Variants in BCL7C observed in about 807,000 individuals in gnomAD.
BCL7C encodes BAF chromatin remodeling complex subunit BCL7C.
BCL7C carries 8 observed loss-of-function variants against 26.2 expected under a neutral mutation model. That is an observed-to-expected ratio of 0.30 (90% CI 0.18 to 0.55). The LOEUF (loss-of-function observed/expected upper bound fraction) is 0.55, where lower values mean the gene tolerates loss of function less well. BCL7C is among the 20% of genes least tolerant of loss of function. BCL7C has a pLI of 0.93. For synonymous variants in BCL7C, 90 were observed against 116.5 expected (o/e 0.77, Z 1.47); for missense variants, 262 against 298.5 (o/e 0.88, Z 0.90).
chr16:30,869,427 ACTC>A, intron 5 of BCL7C, among the ~76,000 whole-genome samples: 1 of 149,756 alleles, frequency 6.7e-6, no homozygotes, highest in East Asian at 2.0e-4. Context: ...CTGGCCTCGA[ACTC>A]CTAAGCTCTA....
chr16:30,849,852 C>CAAA (rs2151363107), intron 5 of BCL7C, among the ~76,000 whole-genome samples: 2 of 151,240 alleles, frequency 1.3e-5, no homozygotes, highest in African/African-American at 4.9e-5. Flanking sequence ...CCATGCCTAG[C>CAAA]TAACTTTTGT....
chr16:30,878,321 G>A (rs1179626601), intron 5 of BCL7C, among the ~76,000 whole-genome samples: 1 of 151,900 alleles, frequency 6.6e-6, no homozygotes. Context: ...ACAAGGTCAG[G>A]AGATTGAGAC....
downstream of BCL7C, among the ~76,000 whole-genome samples, chr16:30,886,463 T>G (rs2055134349): frequency 6.6e-6 from 1 of 152,140 alleles, no homozygotes; most frequent in Admixed American, 6.6e-5. Flanking sequence ...CCAGCTCACA[T>G]GCCACCTCCT....
chr16:30,863,367 T>C (rs1311234101), intron 5 of BCL7C, among the ~76,000 whole-genome samples: 1 of 152,198 alleles, frequency 6.6e-6, no homozygotes, highest in Non-Finnish European at 1.5e-5. Flanking sequence ...AAATTTATAC[T>C]GACTCTAAAT....
chr16:30,846,507 A>G lies in BCL7C; in HGVS notation c.529-11359T>C, dbSNP rs1490949714. Among the ~76,000 whole-genome samples, 3 of 152,200 alleles carry G rather than the reference A, an allele frequency of 2.0e-5. No individual in the cohort carries two copies. The East Asian group carries it at 5.8e-4, about 29-fold the overall frequency. ...CTCCCAAAGTTCTGGGATTACAGGC[A>G]TGAGCCACTGCGCCCGGCTTAAAAT... On this transcript the variant is annotated intron_variant, in intron 5 of 5. Transcript: ENST00000380317.
chr16:30,843,997 G>A (rs143736823), intron 5 of BCL7C, among the ~76,000 whole-genome samples: 210 of 132,032 alleles, frequency 1.6e-3, no homozygotes, highest in African/African-American at 5.3e-3. Context: ...AGCTGAGATC[G>A]CACCATTGCA....
At chr16:30,882,323 A>T (rs991805245) in intron 5 of BCL7C, among the ~76,000 whole-genome samples, 2 of 152,154 alleles carry the variant, frequency 1.3e-5, no homozygotes, top group Non-Finnish European at 2.9e-5. Flanking sequence ...CACAATAAGT[A>T]CCTATTGCTA....
rs557984825 is a variant in BCL7C at position 30,867,189 on chromosome 16, C to T, written c.528+21671G>A. Among the ~76,000 whole-genome samples the T allele has an allele frequency of 2.0e-5, 3 of 152,036 alleles. No individual in the cohort carries two copies. In the East Asian group the frequency reaches 5.8e-4, roughly 29 times the overall value. On this transcript the variant is annotated intron_variant, in intron 5 of 5. Coordinates refer to the BCL7C transcript ENST00000380317. ...ATAGATGGACAAAAAAATTCCAGGC[C>T]CAAAAAAACATGATTGGGGGAAGGT...
intron 5 of BCL7C, among the ~76,000 whole-genome samples, chr16:30,862,698 G>C (rs1173054846): frequency 6.6e-6 from 1 of 151,918 alleles, no homozygotes; most frequent in Non-Finnish European, 1.5e-5. Flanking sequence ...ATCGTGTCCG[G>C]ATAATCTCCC....
In BCL7C at chr16:30,834,353, T is replaced by C. The variant is rs906962888; in HGVS notation, c.*595A>G. On this transcript the variant is annotated 3_prime_UTR_variant, in exon 6 of 6. Coordinates refer to the BCL7C transcript ENST00000380317. This position sits in a 1 kb window ranked among gnomAD's most constrained non-coding sequence, Gnocchi z 4.3. The stretch of plus-strand genomic sequence containing the variant: ...GCCGTATGTCCTCGGGCGCTGGAGG[T>C]CTCCCAGCGCTGGCATACATAAGCC... The C allele has an allele frequency of 2.0e-5, 3 of 152,152 alleles. No homozygotes were observed. The East Asian group carries it at 5.8e-4, about 29-fold the overall frequency. 9.4% of individuals were successfully genotyped at this position (152,152 alleles called of 1,614,324 possible). A position where few individuals can be genotyped will look rare whatever the true frequency, so the allele number is the denominator to read the frequency against.
At chr16:30,842,479 A>G (rs2054608398) in intron 5 of BCL7C, among the ~76,000 whole-genome samples, 2 of 152,254 alleles carry the variant, frequency 1.3e-5, no homozygotes, top group African/African-American at 4.8e-5. Context: ...AATTGTAAAT[A>G]AAATAAGGAA....
intron 5 of BCL7C, among the ~76,000 whole-genome samples, chr16:30,843,883 T>C (rs2054617447): frequency 6.6e-6 from 1 of 151,048 alleles, no homozygotes; most frequent in Non-Finnish European, 1.5e-5. Context: ...CTACTAAAAA[T>C]ACAAAGAATA....
intron 5 of BCL7C, among the ~76,000 whole-genome samples, chr16:30,838,947 G>A (rs1036414578): frequency 3.3e-5 from 5 of 152,170 alleles, no homozygotes; most frequent in Non-Finnish European, 5.9e-5. Flanking sequence ...AATGAAGAAT[G>A]TCAGAAAGAT....
Position 30,869,239 on chromosome 16 carries a change from C to T in BCL7C, c.528+19621G>A, listed in dbSNP as rs1048717147. 2.0e-5 allele frequency among the ~76,000 whole-genome samples: 3 copies of T among 152,080 alleles called. No homozygotes were observed. In the East Asian group the frequency reaches 5.8e-4, roughly 29 times the overall value. On this transcript the variant is annotated intron_variant, in intron 5 of 5. Transcript: ENST00000380317. Reference sequence around the variant, plus strand: ...TATTTTGTTTTTTGCGACAGGGTCTCACTCTGTCACCCAGGCTGGAGTTCA... The same window carrying T: ...TATTTTGTTTTTTGCGACAGGGTCTTACTCTGTCACCCAGGCTGGAGTTCA...
downstream of BCL7C, among the ~76,000 whole-genome samples, chr16:30,884,558 G>A (rs970248209): frequency 1.6e-4 from 24 of 146,768 alleles, 1 homozygote; most frequent in Admixed American, 1.0e-3. Context: ...GTGCAATGGC[G>A]TGATCTTAGC....
intron 5 of BCL7C, among the ~76,000 whole-genome samples, chr16:30,872,316 A>G (rs2054888828): frequency 1.3e-5 from 2 of 152,196 alleles, no homozygotes; most frequent in South Asian, 4.1e-4. Context: ...GGGACCCTAT[A>G]TGCAGGTAAT....
chr16:30,841,952 TC>T (rs1400305778), intron 5 of BCL7C, among the ~76,000 whole-genome samples: 1 of 44,762 alleles, frequency 2.2e-5, no homozygotes, highest in African/African-American at 9.2e-5. Flanking sequence ...AGACTCCATC[TC>T]AAAAAAAAAA....
chr16:30,834,826 C>T lies in BCL7C; in HGVS notation c.*122G>A, dbSNP rs1292293096. 2.9e-6 allele frequency: 3 copies of T among 1,046,266 alleles called. No homozygotes were observed. In the African/African-American group the frequency reaches 4.9e-5, roughly 17 times the overall value. 64.8% of individuals were successfully genotyped at this position (1,046,266 alleles called of 1,614,324 possible). ...TCGGGCAGGTGTGGGGCCGCTCGCC[C>T]TCCGATGTTACCGCGGTGGGTGAGC... On this transcript the variant is annotated 3_prime_UTR_variant, in exon 6 of 6. Coordinates refer to the BCL7C transcript ENST00000380317. The surrounding 1 kb of genome is among the most constrained non-coding windows in gnomAD (Gnocchi z 4.3).
intron 5 of BCL7C, among the ~76,000 whole-genome samples, chr16:30,863,636 T>C (rs951612380): frequency 9.9e-5 from 15 of 152,230 alleles, no homozygotes; most frequent in Admixed American, 4.6e-4. Context: ...GGCTAGTTTT[T>C]CTCCTTCTCA....
Sources: allele counts gnomAD v4.1 joint callset (sites outside exome capture counted in the v4.1 genomes callset), GRCh38; gene constraint gnomAD v4.1.1; non-coding constraint Gnocchi (gnomAD v3.1); transcripts MANE v1.5; gene names NCBI Gene and HGNC (gene_info 2026-07-23, HGNC 2026-07-21).